PCDH15: variants seen among roughly 807,000 people sequenced by gnomAD.
The protein encoded by PCDH15 is protocadherin related 15, also known as protocadherin-15.
A neutral mutation model predicts 178.5 loss-of-function variants in PCDH15; 129 were observed. That is an observed-to-expected ratio of 0.72 (90% CI 0.63 to 0.84). The LOEUF (loss-of-function observed/expected upper bound fraction) is 0.84. Ranked by LOEUF, PCDH15 falls within the 40% of genes least tolerant of loss-of-function variation. PCDH15 has a pLI of 0.00. For synonymous variants in PCDH15, 800 were observed against 732.0 expected, an observed-to-expected ratio of 1.09 and a Z score of -1.50; for missense variants, 2,230 against 2,099.9, an observed-to-expected ratio of 1.06 and a Z score of -1.21.
intron 1 of PCDH15, among the ~76,000 whole-genome samples, chr10:55,229,930 C>CAAT (rs1841162383): frequency 6.6e-6 from 1 of 151,910 alleles, no homozygotes; most frequent in African/African-American, 2.4e-5. Context: ...ACTATATGGA[C>CAAT]AATAATAGTA....
intron 1 of PCDH15, among the ~76,000 whole-genome samples, chr10:54,696,330 G>T (rs377063978): frequency 6.6e-6 from 1 of 152,052 alleles, no homozygotes; most frequent in Non-Finnish European, 1.5e-5. Context: ...TGACTGAATT[G>T]CTGCAATCTC....
intron 1 of PCDH15, among the ~76,000 whole-genome samples, chr10:55,288,770 T>C (rs1842936693): frequency 6.6e-6 from 1 of 151,900 alleles, no homozygotes; most frequent in Non-Finnish European, 1.5e-5. Flanking sequence ...TCTTTATCCG[T>C]TTATGTGGAT....
intron 6 of PCDH15, among the ~76,000 whole-genome samples, chr10:54,344,773 C>A (rs758802812): frequency 1.3e-5 from 2 of 151,576 alleles, no homozygotes; most frequent in Non-Finnish European, 1.5e-5. Context: ...TTTGCTGTTT[C>A]TTTGCTACTT....
At chr10:53,998,982 G>T in intron 20 of PCDH15, among the ~76,000 whole-genome samples, 1 of 150,882 alleles carries the variant, frequency 6.6e-6, no homozygotes, top group East Asian at 2.0e-4. Context: ...GAACCCAGGA[G>T]GCGGATGTTG....
chr10:54,622,852 G>A (rs7917095), intron 2 of PCDH15, among the ~76,000 whole-genome samples: 75,995 of 136,654 alleles, frequency 0.56, 21,244 homozygotes, highest in Non-Finnish European at 0.59. Flanking sequence ...GCTCCTTTCT[G>A]TTTCTATTGC....
At chr10:55,617,635 A>G (rs930377815) in intron 2 of PCDH15, among the ~76,000 whole-genome samples, 9 of 152,026 alleles carry the variant, frequency 5.9e-5, no homozygotes, top group African/African-American at 2.2e-4. Flanking sequence ...GATAAACTAT[A>G]TTGATTCTAC....
chr10:55,032,719 G>A (rs1840642455), intron 2 of PCDH15, among the ~76,000 whole-genome samples: 1 of 152,156 alleles, frequency 6.6e-6, no homozygotes, highest in African/African-American at 2.4e-5. Context: ...ACGGGTGCCA[G>A]GTGCTATTCA....
intron 3 of PCDH15, among the ~76,000 whole-genome samples, chr10:54,515,652 C>G (rs911522008): frequency 2.0e-5 from 3 of 152,224 alleles, no homozygotes; most frequent in African/African-American, 4.8e-5. Context: ...CAGCACGCAG[C>G]TGGAGATCTG....
At chr10:54,079,129 G>C (rs1245164292) in intron 17 of PCDH15, among the ~76,000 whole-genome samples, 2 of 152,174 alleles carry the variant, frequency 1.3e-5, no homozygotes, top group Admixed American at 6.6e-5. Flanking sequence ...GTTCTGTCAA[G>C]TCAAAGGTTG....
At chr10:54,730,830 G>A (rs769434361) in intron 1 of PCDH15, among the ~76,000 whole-genome samples, 104 of 151,378 alleles carry the variant, frequency 6.9e-4, no homozygotes, top group Middle Eastern at 3.4e-3. Context: ...AATACTTAAC[G>A]ACACTGGTCT....
intron 2 of PCDH15, among the ~76,000 whole-genome samples, chr10:55,501,122 G>C (rs1346943358): frequency 6.6e-6 from 1 of 151,678 alleles, no homozygotes; most frequent in East Asian, 2.0e-4. Flanking sequence ...AGAGAAGACA[G>C]AGACACACAA....
chr10:55,199,184 T>C (rs1289465200), intron 1 of PCDH15, among the ~76,000 whole-genome samples: 1 of 152,092 alleles, frequency 6.6e-6, no homozygotes, highest in Non-Finnish European at 1.5e-5. Context: ...TGAATGGTTA[T>C]GAACAAAATG....
chr10:53,822,232 AAGGAGGTGGAGGGCAAGGAATAGAAGG>A (rs1375499154), intron 32 of PCDH15: 1 of 1,613,756 alleles, frequency 6.2e-7, no homozygotes, highest in African/African-American at 1.3e-5. Flanking sequence ...AATGAAGCTG[AAGGAGGTGGAGGGCAAGGAATAGAAGG>A]AGGTGGTGGA....
At chr10:55,522,402 T>C (rs917452969) in intron 2 of PCDH15, among the ~76,000 whole-genome samples, 1 of 151,838 alleles carries the variant, frequency 6.6e-6, no homozygotes, top group Non-Finnish European at 1.5e-5. Context: ...TATCCATTGA[T>C]GAAAGTGGGG....
chr10:54,720,690 C>T (rs1423925193), intron 1 of PCDH15, among the ~76,000 whole-genome samples: 2 of 117,436 alleles, frequency 1.7e-5, no homozygotes, highest in East Asian at 4.3e-4. Context: ...CAAGGTTTAA[C>T]TATCTATCCT....
At chr10:55,328,371 T>C (rs1381730506) in intron 2 of PCDH15, among the ~76,000 whole-genome samples, 5 of 151,988 alleles carry the variant, frequency 3.3e-5, no homozygotes, top group African/African-American at 9.6e-5. Flanking sequence ...CTACTACACA[T>C]GTATATGGTC....
chr10:54,889,517 A>ATG (rs1954423920), intron 3 of PCDH15, among the ~76,000 whole-genome samples: 1 of 148,778 alleles, frequency 6.7e-6, no homozygotes, highest in African/African-American at 2.4e-5. Flanking sequence ...ATATATATAT[A>ATG]TGATCTATAT....
rs1237074297 is a variant in PCDH15 at position 55,589,790 on chromosome 10, A to G, written c.-156+37835T>C. ...ACCATCTCACACCAGTTAGAATGGC[A>G]ATCATTAAAAAGTCAGGAAACAACA... is the stretch of plus-strand genomic sequence containing the variant. On this transcript the variant is annotated intron_variant, in intron 2 of 5. Transcript: ENST00000613346. 5.4e-5 allele frequency among the ~76,000 whole-genome samples: 8 copies of G among 148,774 alleles called. No individual in the cohort carries two copies. In the East Asian group the frequency reaches 1.6e-3, roughly 29 times the overall value.
At chr10:54,219,526 G>C (rs2052536555) in intron 9 of PCDH15, among the ~76,000 whole-genome samples, 1 of 146,744 alleles carries the variant, frequency 6.8e-6, no homozygotes, top group East Asian at 2.0e-4. Context: ...CTGGGAGGTG[G>C]AGCTTGCAGT....
Sources: allele counts gnomAD v4.1 joint callset (sites outside exome capture counted in the v4.1 genomes callset), GRCh38; gene constraint gnomAD v4.1.1; transcripts MANE v1.5; gene names NCBI Gene and HGNC (gene_info 2026-07-23, HGNC 2026-07-21).